The following HPD variants were observed in gnomAD, a reference collection of about 807,000 sequenced individuals.
The protein encoded by HPD is 4-hydroxyphenylpyruvic acid oxidase.
Under a neutral mutation model 56.9 loss-of-function variants are expected in HPD, and 35 were observed. That is an observed-to-expected ratio of 0.62 (90% CI 0.47 to 0.82). HPD has a LOEUF of 0.82. HPD is among the 40% of genes least tolerant of loss of function. The pLI, the probability that HPD is intolerant of heterozygous loss-of-function variation, is 0.00. For missense variants in HPD, 442 were observed against 506.8 expected (o/e 0.87, Z 1.23); for synonymous variants, 186 against 200.2 (o/e 0.93, Z 0.60).
chr12:121,859,625 G>GGTGTTCA (rs1490771101), upstream of HPD, among the ~76,000 whole-genome samples: 1 of 152,212 alleles, frequency 6.6e-6, no homozygotes, highest in African/African-American at 2.4e-5. Flanking sequence ...GGAAACTGAG[G>GGTGTTCA]CCTGGAGAGG....
the HPD span, among the ~76,000 whole-genome samples, chr12:121,885,827 T>A: frequency 6.6e-6 from 1 of 151,236 alleles, no homozygotes; most frequent in Admixed American, 6.6e-5. Flanking sequence ...TAGCCGAGCA[T>A]GGTGGCATAC....
chr12:121,839,848 G>C lies in HPD; in HGVS notation c.1072-10C>G. 6.2e-7 allele frequency: 1 copy of C among 1,613,386 alleles called. No individual in the cohort carries two copies. The highest frequency in any genetic ancestry group is 8.5e-7 in the Non-Finnish European group (1 of 1,179,296). On this transcript the variant is annotated splice_polypyrimidine_tract_variant and intron_variant, in intron 13 of 13. Coordinates refer to ENST00000289004, the MANE Select transcript of HPD (RefSeq NM_002150.3). ...TGCCGGCTCCAAAACCCTGTGGCGG[G>C]AAAGAGAGGAGATGAGCCAAGGACC...
chr12:121,848,826 G>T (rs1877668555), intron 9 of HPD, among the ~76,000 whole-genome samples, 173 bp downstream of exon 9: 1 of 152,056 alleles, frequency 6.6e-6, no homozygotes, highest in Non-Finnish European at 1.5e-5. Context: ...GGCTGGTGTT[G>T]AACCCCTGAC....
intron 12 of HPD, among the ~76,000 whole-genome samples, chr12:121,842,741 CTTTTTTTTTTTTTT>C (rs34879391): frequency 7.3e-4 from 56 of 76,260 alleles, no homozygotes; most frequent in African/African-American, 2.6e-3. Context: ...TAAAATGGAT[CTTTTTTTTTTTTTT>C]TTTTTTTTTT....
the HPD span, among the ~76,000 whole-genome samples, chr12:121,884,476 T>C: frequency 4.4e-5 from 6 of 136,900 alleles, no homozygotes; most frequent in South Asian, 2.1e-4. Flanking sequence ...CGCTAATTAA[T>C]TTTTTTTTTT....
intron 7 of HPD, among the ~76,000 whole-genome samples, chr12:121,851,116 C>A (rs985271392): frequency 1.3e-5 from 2 of 151,948 alleles, no homozygotes; most frequent in African/African-American, 2.4e-5. Context: ...GCCCCCTTGG[C>A]CTTCCAAAGT....
intron 11 of HPD, among the ~76,000 whole-genome samples, chr12:121,846,208 T>A (rs1023519755): frequency 6.6e-6 from 1 of 152,176 alleles, no homozygotes; most frequent in African/African-American, 2.4e-5. Flanking sequence ...CCTAATTTCC[T>A]TTATTAATTA....
the HPD span, among the ~76,000 whole-genome samples, chr12:121,888,250 G>T: frequency 6.6e-6 from 1 of 152,138 alleles, no homozygotes; most frequent in Non-Finnish European, 1.5e-5. Flanking sequence ...TTTGTTAGCA[G>T]AAGGACAGCT....
chr12:121,875,587 G>A, the HPD span, among the ~76,000 whole-genome samples: 4 of 151,816 alleles, frequency 2.6e-5, no homozygotes, highest in Non-Finnish European at 5.9e-5. Context: ...CACCAAGCCC[G>A]GCTAATTTTT....
upstream of HPD, among the ~76,000 whole-genome samples, chr12:121,862,204 G>T (rs1878192928): frequency 6.6e-6 from 1 of 152,140 alleles, no homozygotes; most frequent in South Asian, 2.1e-4. Flanking sequence ...CGTGGATGCT[G>T]CTGGACAGTG....
At chr12:121,842,358 T>C (rs1009082300) in intron 12 of HPD, among the ~76,000 whole-genome samples, 1 of 152,120 alleles carries the variant, frequency 6.6e-6, no homozygotes, top group African/African-American at 2.4e-5. Flanking sequence ...CTTAAACTCC[T>C]GGCCTCAAGC....
the HPD span, among the ~76,000 whole-genome samples, chr12:121,880,729 T>G: frequency 6.6e-6 from 1 of 152,160 alleles, no homozygotes; most frequent in Non-Finnish European, 1.5e-5. Flanking sequence ...TGGCCTCAAG[T>G]GATTCTCCTG....
Position 121,856,572 on chromosome 12 carries a change from G to A in HPD, c.241+11C>T, listed in dbSNP as rs373009704. 25 of 1,613,782 alleles carry A rather than the reference G, an allele frequency of 1.5e-5. No individual in the cohort carries two copies. In the Admixed American group the frequency reaches 1.7e-4, roughly 11 times the overall value. ...ACAGAGCCATGCGTCCACCCTCCCC[G>A]GGCACCTCACCTTTGTTCCAGGGGT... On this transcript the variant is annotated intron_variant, in intron 5 of 13. Transcript: ENST00000289004.
At chr12:121,868,951 C>T in the HPD span, among the ~76,000 whole-genome samples, 127,294 of 152,122 alleles carry the variant, frequency 0.84, 53,330 homozygotes, top group Middle Eastern at 0.9. Flanking sequence ...TGCAGTGGCA[C>T]GATCATATTT....
Position 121,855,658 on chromosome 12 carries a change from A to C in HPD, c.324+666T>G, listed in dbSNP as rs1351599537. ...CTTGAACCCAGGAGGTGGAGGTTGC[A>C]GTGAGCCAAGATTGCGCCACTGCTC... On this transcript the variant is annotated intron_variant, in intron 6 of 13. Coordinates refer to ENST00000289004, the MANE Select transcript of HPD (RefSeq NM_002150.3). Among the ~76,000 whole-genome samples the C allele has an allele frequency of 3.3e-5, 5 of 151,732 alleles. No homozygotes were observed. In the East Asian group the frequency reaches 9.7e-4, roughly 29 times the overall value.
At chr12:121,853,024 G>A (rs4760105) in intron 7 of HPD, among the ~76,000 whole-genome samples, 76,718 of 151,948 alleles carry the variant, frequency 0.5, 19,730 homozygotes, top group East Asian at 0.79. Flanking sequence ...TGTCCTTTAC[G>A]GGGACATGGA....
chr12:121,875,287 A>C, the HPD span, among the ~76,000 whole-genome samples: 1 of 152,196 alleles, frequency 6.6e-6, no homozygotes, highest in South Asian at 2.1e-4. Flanking sequence ...GATTTAGACC[A>C]AGGGCCATGG....
At chr12:121,879,571 G>A in the HPD span, among the ~76,000 whole-genome samples, 2 of 151,248 alleles carry the variant, frequency 1.3e-5, no homozygotes, top group African/African-American at 2.4e-5. Context: ...GGAGTGCAGT[G>A]GTGTGATCAG....
the HPD span, among the ~76,000 whole-genome samples, chr12:121,876,158 A>G: frequency 1.3e-5 from 2 of 152,092 alleles, no homozygotes; most frequent in African/African-American, 4.8e-5. Flanking sequence ...TAAATATACA[A>G]AAATTAGCTG....
Sources: allele counts gnomAD v4.1 joint callset (sites outside exome capture counted in the v4.1 genomes callset), GRCh38; gene constraint gnomAD v4.1.1; transcripts MANE v1.5; gene names NCBI Gene and HGNC (gene_info 2026-07-23, HGNC 2026-07-21).